Variants in ARPP21 observed in about 807,000 individuals in gnomAD.
ARPP21 encodes cAMP-regulated phosphoprotein 21.
A neutral mutation model predicts 113.2 loss-of-function variants in ARPP21; 69 were observed. The observed-to-expected ratio is 0.61, with a 90% CI of 0.50 to 0.74. ARPP21 has a LOEUF of 0.74. Ranked by LOEUF, ARPP21 falls within the 30% of genes least tolerant of loss-of-function variation. The pLI is 0.00. For synonymous variants in ARPP21, 368 were observed against 375.5 expected (o/e 0.98, Z 0.23); for missense variants, 1,070 against 1,037.4 (o/e 1.03, Z -0.43).
At chr3:35,689,232 A>T (rs543012655) in intron 6 of ARPP21, 75 bp from the exon 7 acceptor site, 1 of 771,974 alleles carries the variant, frequency 1.3e-6, no homozygotes, top group African/African-American at 1.7e-5. Flanking sequence ...GGGAAACAGG[A>T]TAGGTTGGGG....
chr3:35,753,333 A>G (rs542294080), intron 19 of ARPP21, among the ~76,000 whole-genome samples: 1 of 152,176 alleles, frequency 6.6e-6, no homozygotes, highest in East Asian at 1.9e-4. Context: ...TGTGTTTCAA[A>G]GTTCAAACAC....
At chr3:35,667,787 C>T (rs975431829) in intron 1 of ARPP21, among the ~76,000 whole-genome samples, 1 of 150,004 alleles carries the variant, frequency 6.7e-6, no homozygotes, top group African/African-American at 2.5e-5. Context: ...CTCCAAAATA[C>T]TGCACTTTGG....
chr3:35,789,965 T>A (rs1400203716), intron 19 of ARPP21, among the ~76,000 whole-genome samples: 1 of 152,192 alleles, frequency 6.6e-6, no homozygotes, highest in East Asian at 1.9e-4. Flanking sequence ...TGTGAAAGGA[T>A]GGAAGGATTC....
chr3:35,757,797 C>T (rs747110422), intron 19 of ARPP21, among the ~76,000 whole-genome samples: 4 of 151,926 alleles, frequency 2.6e-5, no homozygotes, highest in East Asian at 1.9e-4. Context: ...CATAGAGTAT[C>T]GCAATTTCTT....
chr3:35,757,086 T>G (rs1218444616), intron 19 of ARPP21, among the ~76,000 whole-genome samples: 4 of 149,792 alleles, frequency 2.7e-5, no homozygotes, highest in Admixed American at 2.6e-4. Flanking sequence ...TTTTTTTTTT[T>G]GAGACAGGGT....
At chr3:35,690,520 A>T (rs1025726225) in intron 8 of ARPP21, among the ~76,000 whole-genome samples, 2 of 151,502 alleles carry the variant, frequency 1.3e-5, no homozygotes, top group Admixed American at 1.3e-4. Context: ...ACACATCTCC[A>T]TATAGACATC....
At chr3:35,732,489 A>T (rs1472366073) in intron 15 of ARPP21, among the ~76,000 whole-genome samples, 1 of 152,194 alleles carries the variant, frequency 6.6e-6, no homozygotes, top group East Asian at 1.9e-4. Flanking sequence ...GTCCCTGTAT[A>T]ACATTTTCAT....
At chr3:35,645,984 G>T (rs1700072966) in intron 1 of ARPP21, among the ~76,000 whole-genome samples, 1 of 151,934 alleles carries the variant, frequency 6.6e-6, no homozygotes, top group African/African-American at 2.4e-5. Flanking sequence ...ATTTCTAAAA[G>T]TTTTATGGTC....
At chr3:35,774,302 A>C (rs1423839400) in intron 19 of ARPP21, among the ~76,000 whole-genome samples, 1 of 152,198 alleles carries the variant, frequency 6.6e-6, no homozygotes, top group Non-Finnish European at 1.5e-5. Flanking sequence ...TGAAAATATT[A>C]CTATGTGAGA....
Position 35,690,966 on chromosome 3 carries a change from G to A in ARPP21, c.647G>A (p.Gly216Glu). ...TTGGATCACAATGTGGATCAAACAG[G>A]AAAATCTGTTATCATCAACAAGACC... ...FGLDHNVDQT[G>E]KSVIINKTSS... Residue 216 changes from glycine (G) to glutamate (E), a missense_variant, in exon 9 of 21, where the codon GGA (glycine) becomes GAA (glutamate). Transcript: ENST00000684406. 1 of 1,610,536 alleles carries A rather than the reference G, an allele frequency of 6.2e-7. No homozygotes were observed. The highest frequency in any genetic ancestry group is 8.5e-7 in the Non-Finnish European group (1 of 1,177,794).
intron 14 of ARPP21, among the ~76,000 whole-genome samples, chr3:35,728,550 A>G (rs2093714787): frequency 6.7e-6 from 1 of 148,598 alleles, no homozygotes. Context: ...AATCCTTAAT[A>G]TCTAAAGTTT....
At chr3:35,655,258 C>T (rs1704298386) in intron 1 of ARPP21, among the ~76,000 whole-genome samples, 1 of 151,822 alleles carries the variant, frequency 6.6e-6, no homozygotes, top group Non-Finnish European at 1.5e-5. Context: ...TTGATATCTA[C>T]ATTTATATAT....
chr3:35,696,804 T>C (rs576602233), intron 9 of ARPP21, among the ~76,000 whole-genome samples: 1 of 151,760 alleles, frequency 6.6e-6, no homozygotes, highest in Admixed American at 6.6e-5. Flanking sequence ...TATCAAAATA[T>C]TTTAAATGCC....
At chr3:35,684,212 T>C (rs2079853833) in intron 5 of ARPP21, 1 of 1,307,478 alleles carries the variant, frequency 7.6e-7, no homozygotes, top group East Asian at 2.8e-5. Context: ...AAAATGCACT[T>C]GCCTATAAGA....
chr3:35,710,795 T>C (rs2090888045), intron 11 of ARPP21, among the ~76,000 whole-genome samples: 1 of 152,186 alleles, frequency 6.6e-6, no homozygotes, highest in Non-Finnish European at 1.5e-5. Flanking sequence ...GCTTATTTCA[T>C]TTGCCAATTC....
rs1038758665 is a variant in ARPP21, at chr3:35,738,105, T to C, written c.1645-109T>C. 18 of 669,330 alleles carry C rather than the reference T, an allele frequency of 2.7e-5. No individual in the cohort carries two copies. In the East Asian group the frequency reaches 4.9e-4, roughly 18 times the overall value. 41.5% of individuals were successfully genotyped at this position (669,330 alleles called of 1,614,324 possible). On this transcript the variant is annotated intron_variant, in intron 16 of 20. Coordinates refer to ENST00000684406, the MANE Select transcript of ARPP21 (RefSeq NM_001385562.1). ...TTTCCTTTGGTGGCTAGTTCCCCTCTCTGGAGTGCACTGAACCTAGAGAGC... is the reference window on the plus strand; with the variant it reads ...TTTCCTTTGGTGGCTAGTTCCCCTCCCTGGAGTGCACTGAACCTAGAGAGC...
chr3:35,650,648 G>A (rs1483308459), intron 1 of ARPP21, among the ~76,000 whole-genome samples: 1 of 152,024 alleles, frequency 6.6e-6, no homozygotes, highest in African/African-American at 2.4e-5. Flanking sequence ...AAGCTTTGGT[G>A]GAGAGGAAAG....
intron 20 of ARPP21, 57 bp from the exon 21 acceptor site, chr3:35,793,644 A>C: frequency 8.0e-7 from 1 of 1,248,530 alleles, no homozygotes; most frequent in South Asian, 1.2e-5. Context: ...CATGTTGTTT[A>C]TTGTACAGAC....
intron 19 of ARPP21, among the ~76,000 whole-genome samples, chr3:35,745,733 CAA>C (rs1409393496): frequency 1.3e-5 from 2 of 152,144 alleles, no homozygotes; most frequent in Non-Finnish European, 2.9e-5. Context: ...GATGTCAAAA[CAA>C]GAGACAATAT....
Sources: allele counts gnomAD v4.1 joint callset (sites outside exome capture counted in the v4.1 genomes callset), GRCh38; gene constraint gnomAD v4.1.1; transcripts MANE v1.5; gene names NCBI Gene and HGNC (gene_info 2026-07-23, HGNC 2026-07-21).